PRKAR1B: variants seen among roughly 807,000 people sequenced by gnomAD.
The protein encoded by PRKAR1B is protein kinase cAMP-dependent type I regulatory subunit beta.
PRKAR1B carries 22 observed loss-of-function variants against 46.5 expected under a neutral mutation model. The ratio of observed to expected loss-of-function variants is 0.47; its 90% confidence interval spans 0.34 to 0.68. The LOEUF (loss-of-function observed/expected upper bound fraction) is 0.68, where lower values mean the gene tolerates loss of function less well. Among genes scored for constraint, PRKAR1B ranks in the 30% least tolerant of loss-of-function variants. The pLI is 0.01. For synonymous variants in PRKAR1B, 259 were observed against 217.7 expected (o/e 1.19, Z -1.67); for missense variants, 445 against 535.6 (o/e 0.83, Z 1.67).
At chr7:680,868 C>G in intron 2 of PRKAR1B, 142 bp from the exon 3 acceptor site, 1 of 924,336 alleles carries the variant, frequency 1.1e-6, no homozygotes, top group Non-Finnish European at 1.6e-6. Flanking sequence ...TACGGTTAGG[C>G]TTTGTGTCCC....
At chr7:615,297 C>T (rs1025859112) in intron 4 of PRKAR1B, among the ~76,000 whole-genome samples, 2 of 151,182 alleles carry the variant, frequency 1.3e-5, no homozygotes, top group Admixed American at 6.6e-5. Flanking sequence ...TGGTGATGGG[C>T]GCCTGTAATC....
rs548333688 is a variant in PRKAR1B at position 585,844 on chromosome 7, G to A, written c.709-1276C>T. ...CCCTAAAAGCCCCAAAGCTGCCCCC[G>A]CCTCTCAACTTGAATGGGGACGTAT... On this transcript the variant is annotated intron_variant, in intron 7 of 10. Transcript: ENST00000537384. 2.0e-5 allele frequency among the ~76,000 whole-genome samples: 3 copies of A among 152,214 alleles called. No individual in the cohort carries two copies. In the South Asian group the frequency reaches 6.2e-4, roughly 32 times the overall value.
At chr7:649,869 T>C (rs1784801503) in intron 4 of PRKAR1B, among the ~76,000 whole-genome samples, 1 of 151,670 alleles carries the variant, frequency 6.6e-6, no homozygotes, top group South Asian at 2.1e-4. Context: ...CCTGGCTAAT[T>C]TTCTGTTTTT....
At chr7:564,869 A>C (rs1039616711) in intron 9 of PRKAR1B, among the ~76,000 whole-genome samples, 1 of 152,174 alleles carries the variant, frequency 6.6e-6, no homozygotes, top group Admixed American at 6.5e-5. Flanking sequence ...CCAACCTTGC[A>C]TCTGGGACGG....
At chr7:668,999 G>A (rs1786078262) in intron 4 of PRKAR1B, among the ~76,000 whole-genome samples, 1 of 152,050 alleles carries the variant, frequency 6.6e-6, no homozygotes, top group Non-Finnish European at 1.5e-5. Context: ...CATCTGCCCA[G>A]GAGACTCAAA....
At chr7:689,304 G>A (rs1448013389) in intron 2 of PRKAR1B, among the ~76,000 whole-genome samples, 3 of 151,728 alleles carry the variant, frequency 2.0e-5, no homozygotes, top group Admixed American at 6.6e-5. Flanking sequence ...TGTATTTTTA[G>A]TAGAGACGGG....
At chr7:559,035 C>T (rs1238870293) in intron 9 of PRKAR1B, among the ~76,000 whole-genome samples, 2 of 152,220 alleles carry the variant, frequency 1.3e-5, no homozygotes, top group African/African-American at 4.8e-5. Flanking sequence ...TTGCCTTCCT[C>T]GGAGCTGCCG....
chr7:675,504 GA>G (rs1236492826), intron 4 of PRKAR1B, among the ~76,000 whole-genome samples: 1 of 152,176 alleles, frequency 6.6e-6, no homozygotes, highest in Non-Finnish European at 1.5e-5. Flanking sequence ...ATGTAATAAA[GA>G]ATTATAATTT....
chr7:664,089 C>T (rs1453165728), intron 4 of PRKAR1B, among the ~76,000 whole-genome samples: 1 of 152,156 alleles, frequency 6.6e-6, no homozygotes, highest in African/African-American at 2.4e-5. Flanking sequence ...CGGTTACATT[C>T]CCCTCCATGG....
Position 641,736 on chromosome 7 carries a change from T to C in PRKAR1B, c.441-34284A>G, listed in dbSNP as rs570934903. Among the ~76,000 whole-genome samples the C allele has an allele frequency of 9.4e-4, 143 of 152,342 alleles. No homozygotes were observed. In the Middle Eastern group the frequency reaches 0.017, roughly 18 times the overall value. ...GAAGCCAGACACAAAAGACCACGTA[T>C]TGAACGACTCTATTTATGTGTTTAT... On this transcript the variant is annotated intron_variant, in intron 4 of 10. Coordinates refer to ENST00000537384, the MANE Select transcript of PRKAR1B (RefSeq NM_001164760.2).
At chr7:630,224 C>A (rs1783656862) in intron 4 of PRKAR1B, among the ~76,000 whole-genome samples, 1 of 152,214 alleles carries the variant, frequency 6.6e-6, no homozygotes, top group Non-Finnish European at 1.5e-5. Flanking sequence ...GGGGCTGGGC[C>A]AGGCCAGGCG....
intron 7 of PRKAR1B, among the ~76,000 whole-genome samples, chr7:588,044 A>G (rs1427134516): frequency 6.6e-6 from 1 of 152,200 alleles, no homozygotes; most frequent in African/African-American, 2.4e-5. Context: ...TCCCATGGGC[A>G]CAGGCCATTT....
rs896074572 is a variant in PRKAR1B, at chr7:560,872, G to A, written c.892-9402C>T. Among the ~76,000 whole-genome samples, 2 of 152,160 alleles carry A rather than the reference G, an allele frequency of 1.3e-5. No individual in the cohort carries two copies. The highest frequency in any genetic ancestry group is 1.3e-4 in the Admixed American group (2 of 15,280). ...CCAAATGCCTTCTCAGGGCCACGGG[G>A]GCCACGACACGTTCCTCCCTCCAGT... is the stretch of plus-strand genomic sequence containing the variant. On this transcript the variant is annotated intron_variant, in intron 9 of 10. Transcript: ENST00000537384. The surrounding 1 kb of genome is among the most constrained non-coding windows in gnomAD (Gnocchi z 4.2).
chr7:654,588 TCAC>T (rs1243630441), intron 4 of PRKAR1B, among the ~76,000 whole-genome samples: 1 of 151,056 alleles, frequency 6.6e-6, no homozygotes, highest in African/African-American at 2.4e-5. Context: ...ATCACCATCT[TCAC>T]CACCTTCACC....
upstream of PRKAR1B, among the ~76,000 whole-genome samples, chr7:727,816 C>G (rs1781409483): frequency 6.8e-6 from 1 of 147,998 alleles, no homozygotes; most frequent in South Asian, 2.2e-4. Context: ...TCCTCCCTGC[C>G]TGAGCCCCCT....
At position 608,693 on chromosome 7, in the gene PRKAR1B, T is replaced by G. The variant is rs113874719; in HGVS notation, c.441-1241A>C. On this transcript the variant is annotated intron_variant, in intron 4 of 10. Coordinates refer to ENST00000537384, the MANE Select transcript of PRKAR1B (RefSeq NM_001164760.2). ...TGTGTGGCAGGGTTGTAGGGAGGGC[T>G]GGGGGGCCTCCACCGTCCTCCCACC... Among the ~76,000 whole-genome samples the G allele has an allele frequency of 3.8e-4, 39 of 103,332 alleles. 1 individual carries two copies. The highest frequency in any genetic ancestry group is 1.6e-3 in the African/African-American group (36 of 22,258). The allele number at this position is 103,332 out of a possible 152,430, so 67.8% of individuals were successfully genotyped here. A position where few individuals can be genotyped will look rare whatever the true frequency, so the allele number is the denominator to read the frequency against.
At chr7:584,444 C>T in intron 8 of PRKAR1B, 64 bp downstream of exon 8, 2 of 1,441,786 alleles carry the variant, frequency 1.4e-6, no homozygotes, top group Non-Finnish European at 1.9e-6. Flanking sequence ...GGGGAAGAGG[C>T]CGGGGTGGCC....
chr7:722,560 T>C (rs943285102), intron 1 of PRKAR1B, among the ~76,000 whole-genome samples: 1 of 149,530 alleles, frequency 6.7e-6, no homozygotes, highest in South Asian at 2.1e-4. Context: ...TTAGTAGAGA[T>C]GGGGTTTCAC....
At chr7:581,786 G>A (rs1228671078) in intron 8 of PRKAR1B, among the ~76,000 whole-genome samples, 1 of 152,060 alleles carries the variant, frequency 6.6e-6, no homozygotes, top group Non-Finnish European at 1.5e-5. Flanking sequence ...CGTGATCACG[G>A]CTCACCACAG....
Sources: allele counts gnomAD v4.1 joint callset (sites outside exome capture counted in the v4.1 genomes callset), GRCh38; gene constraint gnomAD v4.1.1; non-coding constraint Gnocchi (gnomAD v3.1); transcripts MANE v1.5; gene names NCBI Gene and HGNC (gene_info 2026-07-23, HGNC 2026-07-21).